Variants in PRKCH observed in about 807,000 individuals in gnomAD.
The protein encoded by PRKCH is protein kinase C eta.
A neutral mutation model predicts 82.5 loss-of-function variants in PRKCH; 28 were observed. That is an observed-to-expected ratio of 0.34 (90% CI 0.25 to 0.47). PRKCH has a LOEUF of 0.47. Among genes scored for constraint, PRKCH ranks in the 20% least tolerant of loss-of-function variants. PRKCH has a pLI of 1.00. For missense variants in PRKCH, 705 were observed against 881.8 expected, an observed-to-expected ratio of 0.80 and a Z score of 2.54; for synonymous variants, 322 against 327.4, an observed-to-expected ratio of 0.98 and a Z score of 0.18.
intron 2 of PRKCH, among the ~76,000 whole-genome samples, chr14:61,438,823 A>G (rs1761406934): frequency 6.6e-6 from 1 of 152,210 alleles, no homozygotes; most frequent in African/African-American, 2.4e-5. Flanking sequence ...CAGTTTTATG[A>G]AATATAATTT....
chr14:61,252,558 G>T (rs1213779027), intron 1 of PRKCH, among the ~76,000 whole-genome samples: 2 of 152,156 alleles, frequency 1.3e-5, no homozygotes, highest in African/African-American at 4.8e-5. Context: ...GAGATATCTG[G>T]CTGAGAGTGG....
intron 1 of PRKCH, among the ~76,000 whole-genome samples, chr14:61,360,007 G>T (rs1272196196): frequency 6.6e-6 from 1 of 152,192 alleles, no homozygotes; most frequent in Non-Finnish European, 1.5e-5. Flanking sequence ...GGGAACACCA[G>T]ATACTTACTT....
intron 1 of PRKCH, among the ~76,000 whole-genome samples, chr14:61,201,415 A>G (rs1341166215): frequency 2.6e-5 from 4 of 152,298 alleles, no homozygotes; most frequent in Non-Finnish European, 5.9e-5. Flanking sequence ...GCTTCTGGCT[A>G]AGCTATGTTA....
rs1019786661 is a variant in PRKCH at position 61,380,057 on chromosome 14, T to C, written c.364-11168T>C. Among the ~76,000 whole-genome samples, 4 of 149,828 alleles carry C rather than the reference T, an allele frequency of 2.7e-5. No individual in the cohort carries two copies. The East Asian group carries it at 8.2e-4, about 31-fold the overall frequency. On this transcript the variant is annotated intron_variant, in intron 1 of 13. Coordinates refer to ENST00000332981, the MANE Select transcript of PRKCH (RefSeq NM_006255.5). ...GTACCTTCTTAGTTCTTTTTTGTTTTGTTTTGTTTTGTTTTATTATGGGGT... is the reference window on the plus strand; with the variant it reads ...GTACCTTCTTAGTTCTTTTTTGTTTCGTTTTGTTTTGTTTTATTATGGGGT...
chr14:61,472,221 AT>A (rs759489315), intron 9 of PRKCH, among the ~76,000 whole-genome samples: 1 of 152,226 alleles, frequency 6.6e-6, no homozygotes. Context: ...GGAGCAAAAG[AT>A]TAGCTGACTG....
chr14:61,283,329 T>G (rs2045287954), intron 1 of PRKCH, among the ~76,000 whole-genome samples: 2 of 152,202 alleles, frequency 1.3e-5, no homozygotes, highest in African/African-American at 4.8e-5. Context: ...TGACAGATTT[T>G]CAAAGTCAAA....
intron 1 of PRKCH, among the ~76,000 whole-genome samples, chr14:61,194,175 G>A (rs2044426188): frequency 6.6e-6 from 1 of 152,126 alleles, no homozygotes; most frequent in Admixed American, 6.6e-5. Context: ...TTACCACAGA[G>A]ATTATAAATA....
intron 10 of PRKCH, among the ~76,000 whole-genome samples, chr14:61,524,839 GA>G (rs576218403): frequency 4.8e-4 from 73 of 152,284 alleles, no homozygotes; most frequent in African/African-American, 1.7e-3. Flanking sequence ...CTTCATCAAA[GA>G]GAAGAATTTA....
chr14:61,460,467 C>T (rs1884978725), intron 9 of PRKCH, among the ~76,000 whole-genome samples: 1 of 152,188 alleles, frequency 6.6e-6, no homozygotes, highest in Non-Finnish European at 1.5e-5. Context: ...TGCCCCCTCC[C>T]CCATTGTGGT....
chr14:61,428,768 G>A (rs947981938), intron 2 of PRKCH, among the ~76,000 whole-genome samples: 13 of 152,134 alleles, frequency 8.5e-5, no homozygotes, highest in Admixed American at 7.9e-4. Flanking sequence ...AAAAATTTCT[G>A]TGTCTATCAA....
At chr14:61,292,833 A>G (rs1313043924) in intron 1 of PRKCH, among the ~76,000 whole-genome samples, 4 of 150,648 alleles carry the variant, frequency 2.7e-5, no homozygotes, top group Non-Finnish European at 4.4e-5. Context: ...ATAATCTCAG[A>G]TACTAAGGAG....
chr14:61,283,630 T>C (rs1189949088), intron 1 of PRKCH, among the ~76,000 whole-genome samples: 1 of 152,112 alleles, frequency 6.6e-6, no homozygotes, highest in East Asian at 1.9e-4. Flanking sequence ...GAGGATCACT[T>C]GAGCCCAGCA....
intron 4 of PRKCH, among the ~76,000 whole-genome samples, 153 bp from the exon 5 acceptor site, chr14:61,449,011 G>A (rs1359675032): frequency 3.9e-5 from 6 of 152,152 alleles, no homozygotes; most frequent in African/African-American, 7.2e-5. Flanking sequence ...GGATGGTGGC[G>A]AAGGCAATAG....
chr14:61,482,068 CACTGCAACCTCTGCA>C (rs1051166849), intron 9 of PRKCH, among the ~76,000 whole-genome samples: 2 of 145,842 alleles, frequency 1.4e-5, no homozygotes, highest in Non-Finnish European at 3.0e-5. Flanking sequence ...GATCTTGGCT[CACTGCAACCTCTGCA>C]TCCCGGGTTC....
chr14:61,490,759 CA>C (rs1886417570), intron 10 of PRKCH, among the ~76,000 whole-genome samples: 1 of 151,946 alleles, frequency 6.6e-6, no homozygotes, highest in Non-Finnish European at 1.5e-5. Context: ...ATAAAAAATA[CA>C]AAAATTAGGT....
At chr14:61,305,013 G>A (rs2045476337) in intron 1 of PRKCH, 1 of 151,926 alleles carries the variant, frequency 6.6e-6, no homozygotes, top group South Asian at 2.1e-4. Context: ...TTTGACTACA[G>A]TGTAGCTGGT....
intron 1 of PRKCH, among the ~76,000 whole-genome samples, chr14:61,284,890 A>T (rs1594891359): frequency 1.3e-5 from 2 of 152,200 alleles, no homozygotes; most frequent in African/African-American, 4.8e-5. Flanking sequence ...ATTAAGATAT[A>T]CACACAATTA....
At chr14:61,518,666 T>G (rs1019241132) in intron 10 of PRKCH, among the ~76,000 whole-genome samples, 1 of 152,154 alleles carries the variant, frequency 6.6e-6, no homozygotes, top group African/African-American at 2.4e-5. Flanking sequence ...TTGCTCAACT[T>G]AAGTTGGTCC....
intron 10 of PRKCH, among the ~76,000 whole-genome samples, chr14:61,516,234 T>C (rs1279557213): frequency 2.0e-5 from 3 of 152,144 alleles, no homozygotes; most frequent in Non-Finnish European, 2.9e-5. Flanking sequence ...CTCATCTCTC[T>C]ATATGGCACA....
Sources: allele counts gnomAD v4.1 joint callset (sites outside exome capture counted in the v4.1 genomes callset), GRCh38; gene constraint gnomAD v4.1.1; transcripts MANE v1.5; gene names NCBI Gene and HGNC (gene_info 2026-07-23, HGNC 2026-07-21).